MYO5B: variants seen among roughly 807,000 people sequenced by gnomAD.
MYO5B encodes myosin VB, also known as unconventional myosin-Vb.
A neutral mutation model predicts 229.3 loss-of-function variants in MYO5B; 143 were observed. The ratio of observed to expected loss-of-function variants is 0.62; its 90% confidence interval spans 0.54 to 0.72. The LOEUF (loss-of-function observed/expected upper bound fraction) is 0.72, where lower values mean the gene tolerates loss of function less well. Among genes scored for constraint, MYO5B ranks in the 30% least tolerant of loss-of-function variants. The pLI is 0.00. For synonymous variants in MYO5B, 918 were observed against 885.2 expected (o/e 1.04, Z -0.66); for missense variants, 2,321 against 2,331.0 (o/e 1.00, Z 0.09).
chr18:50,107,587 G>A (rs1447907162), intron 1 of MYO5B, among the ~76,000 whole-genome samples: 4 of 152,070 alleles, frequency 2.6e-5, no homozygotes, highest in African/African-American at 7.2e-5. Context: ...AGTTGTTAAG[G>A]GACTGGCTCC....
intron 27 of MYO5B, chr18:49,871,425 A>T (rs2144092887): frequency 6.5e-6 from 1 of 154,618 alleles, no homozygotes; most frequent in Admixed American, 6.3e-5. Context: ...GTTAATTATG[A>T]TGGTAAATTT....
rs1029533871 is a variant in MYO5B, at chr18:49,843,369, C to T, written c.4483G>A (p.Gly1495Ser). The T allele has an allele frequency of 6.2e-7, 1 of 1,614,046 alleles. No individual in the cohort carries two copies. Among genetic ancestry groups the T allele is most frequent in the African/African-American group, 1.3e-5 (1 of 74,906 alleles). ...VTDLKPQMLS[G>S]TVPCLPAYIL... ...TAGGCGGGGAGACAGGGCACTGTGC[C>T]CGACAGCATCTGGGGCTTCAAGTCT... The change falls in exon 34 of 40, where the codon GGC (glycine) becomes AGC (serine). Residue 1495 changes from glycine to serine, a missense_variant. Physicochemically the swap from Gly to Ser is moderately conservative, Grantham distance 56 (BLOSUM62 0). Coordinates refer to ENST00000285039, the MANE Select transcript of MYO5B (RefSeq NM_001080467.3).
At chr18:49,886,546 C>CCTTCTGA (rs1404935636) in intron 22 of MYO5B, among the ~76,000 whole-genome samples, 2 of 152,068 alleles carry the variant, frequency 1.3e-5, no homozygotes, top group Non-Finnish European at 2.9e-5. Flanking sequence ...TGGCTTTCTG[C>CCTTCTGA]CCAACAGGAG....
At chr18:50,098,636 T>A (rs2031599196) in intron 1 of MYO5B, 1 of 152,208 alleles carries the variant, frequency 6.6e-6, no homozygotes. Flanking sequence ...ATGGTAGGAT[T>A]TATGCAGAAG....
chr18:50,012,647 C>T (rs2026174593), intron 4 of MYO5B, among the ~76,000 whole-genome samples: 1 of 152,186 alleles, frequency 6.6e-6, no homozygotes, highest in African/African-American at 2.4e-5. Flanking sequence ...TCCTAGAAAA[C>T]CTGCCCTGAA....
chr18:50,070,592 T>C, intron 1 of MYO5B, among the ~76,000 whole-genome samples: 1 of 152,054 alleles, frequency 6.6e-6, no homozygotes, highest in East Asian at 1.9e-4. Flanking sequence ...AATTATCTAG[T>C]CCAAATACCA....
intron 4 of MYO5B, among the ~76,000 whole-genome samples, chr18:50,028,450 G>C (rs1296997303): frequency 6.6e-6 from 1 of 152,150 alleles, no homozygotes; most frequent in Admixed American, 6.5e-5. Flanking sequence ...CCAGATAGGA[G>C]AGTGTCTGAA....
intron 1 of MYO5B, among the ~76,000 whole-genome samples, chr18:50,120,761 TG>T (rs2032045303): frequency 6.6e-6 from 1 of 152,184 alleles, no homozygotes; most frequent in South Asian, 2.1e-4. Context: ...AGGCTACCTC[TG>T]GTTTTAGGGG....
chr18:49,864,222 G>C lies in MYO5B; in HGVS notation c.3762C>G (p.Leu1254=). 1 of 1,613,928 alleles carries C rather than the reference G, an allele frequency of 6.2e-7. No homozygotes were observed. Among genetic ancestry groups the C allele is most frequent in the South Asian group, 1.1e-5 (1 of 91,086 alleles). ...TGAGCACCTCCTCCTTGCGCACCTC[G>C]AGCTCCTCGTGGGCCAGCTTGAGCT... ...LNQLKLAHEE[L]EVRKEEVLIL... is the part of the protein sequence containing the mutation. The change falls in exon 28 of 40, where the codon CTC becomes CTG. Residue 1254 remains leucine (L), a synonymous_variant. Coordinates refer to ENST00000285039, the MANE Select transcript of MYO5B (RefSeq NM_001080467.3).
intron 27 of MYO5B, among the ~76,000 whole-genome samples, chr18:49,866,652 G>T (rs2144084761): frequency 6.6e-6 from 1 of 152,340 alleles, no homozygotes; most frequent in Middle Eastern, 3.4e-3. Flanking sequence ...TCCAGTTGGA[G>T]AATAAGGGAG....
rs377722632 is a variant in MYO5B at position 49,880,415 on chromosome 18, T to A, written c.3086A>T (p.Asp1029Val). 1.3e-5 allele frequency: 21 copies of A among 1,614,014 alleles called. No individual in the cohort carries two copies. Among genetic ancestry groups the A allele is most frequent in the Non-Finnish European group, 1.7e-5 (20 of 1,180,016 alleles). The change falls in exon 23 of 40, where the codon GAT becomes GTT. Residue 1029 changes from aspartate to valine, a missense_variant. By Grantham distance (152) the Asp-to-Val change is radical. Transcript: ENST00000285039. ...TTGGTTGTTGAGCTGTTCTTTCTCA[T>A]CTTTCAAGAGAGCATTTTCTTGCTC... ...DLEQENALLK[D>V]EKEQLNNQIL... is the part of the protein sequence containing the mutation.
intron 14 of MYO5B, among the ~76,000 whole-genome samples, chr18:49,952,419 C>G (rs2025440054): frequency 6.7e-6 from 1 of 148,800 alleles, no homozygotes; most frequent in Non-Finnish European, 1.5e-5. Flanking sequence ...TTTTAGAATG[C>G]CAGTGCACAC....
chr18:49,976,338 C>A (rs1459322535), intron 9 of MYO5B, among the ~76,000 whole-genome samples: 1 of 152,114 alleles, frequency 6.6e-6, no homozygotes, highest in Non-Finnish European at 1.5e-5. Flanking sequence ...ATCCATCTAC[C>A]CAAAACAGTT....
At chr18:49,974,777 T>TCA (rs1568054668) in intron 9 of MYO5B, among the ~76,000 whole-genome samples, 162 bp from the exon 10 acceptor site, 2 of 8,846 alleles carry the variant, frequency 2.3e-4, no homozygotes, top group African/African-American at 3.1e-4. Flanking sequence ...CAGCAGTCTC[T>TCA]CTCACACACA....
At position 49,953,284 on chromosome 18, in the gene MYO5B, C is replaced by G. The variant is rs371586732; in HGVS notation, c.1728G>C (p.Gln576His). ...EKNRDTVYEEQINILKASKFP... is the reference protein window; with the variant it reads ...EKNRDTVYEEHINILKASKFP... ...CCTTGCTGGCCTTCAGGATATTGAT[C>G]TGCTCTTCATACACCGTGTCTCTGT... Residue 576 changes from glutamine (Q) to histidine (H), a missense_variant, in exon 14 of 40, where the codon CAG becomes CAC. Physicochemically the swap from Gln to His is conservative, Grantham distance 24 (BLOSUM62 0). Coordinates refer to ENST00000285039, the MANE Select transcript of MYO5B (RefSeq NM_001080467.3). 7 of 1,614,062 alleles carry G rather than the reference C, an allele frequency of 4.3e-6. No homozygotes were observed. The highest frequency in any genetic ancestry group is 5.9e-6 in the Non-Finnish European group (7 of 1,180,038).
intron 2 of MYO5B, among the ~76,000 whole-genome samples, chr18:50,042,721 C>T (rs1256677567): frequency 6.6e-6 from 1 of 152,176 alleles, no homozygotes. Flanking sequence ...GCATCCCAAC[C>T]ACACCTCGGT....
At chr18:50,152,871 A>C (rs1249090548) in intron 1 of MYO5B, among the ~76,000 whole-genome samples, 1 of 151,790 alleles carries the variant, frequency 6.6e-6, no homozygotes, top group Admixed American at 6.6e-5. Context: ...AACTAAAAAA[A>C]AAAAAAAAAA....
rs556601277 is a variant in MYO5B, at chr18:50,081,987, A to C, written c.28-26609T>G. ...TGGTTTAACAAAATTCTTTTCTAAA[A>C]GTGAAAATACACCTATAAAAGAAAT... On this transcript the variant is annotated intron_variant, in intron 1 of 39. Transcript: ENST00000285039. Among the ~76,000 whole-genome samples, 4 of 152,374 alleles carry C rather than the reference A, an allele frequency of 2.6e-5. No individual in the cohort carries two copies. In the East Asian group the frequency reaches 7.7e-4, roughly 29 times the overall value.
At chr18:49,861,745 C>A (rs1009688472) in intron 29 of MYO5B, among the ~76,000 whole-genome samples, 2 of 152,136 alleles carry the variant, frequency 1.3e-5, no homozygotes, top group East Asian at 1.9e-4. Context: ...GCTGTTCCAC[C>A]CCCCCGGGCC....
Sources: gnomAD v4.1 joint callset for allele counts (sites outside exome capture counted in the v4.1 genomes callset) on GRCh38, gnomAD v4.1.1 for gene constraint, MANE v1.5 for transcripts, NCBI Gene and HGNC (gene_info 2026-07-23, HGNC 2026-07-21) for gene names.